The following MKLN1 variants were observed in gnomAD, a reference collection of about 807,000 sequenced individuals.
MKLN1 encodes the protein muskelin.
In MKLN1, 18 loss-of-function variants were observed where a neutral mutation model predicts 99.0. The ratio of observed to expected loss-of-function variants is 0.18; its 90% confidence interval spans 0.13 to 0.27. The LOEUF is 0.27. Among genes scored for constraint, MKLN1 ranks in the 10% least tolerant of loss-of-function variants. The pLI, the probability that MKLN1 is intolerant of heterozygous loss-of-function variation, is 1.00. For missense variants in MKLN1, 621 were observed against 875.9 expected (o/e 0.71, Z 3.67); for synonymous variants, 288 against 293.2 (o/e 0.98, Z 0.18).
intron 7 of MKLN1, among the ~76,000 whole-genome samples, chr7:131,413,153 G>C (rs964467644): frequency 2.8e-4 from 43 of 152,286 alleles, no homozygotes; most frequent in African/African-American, 9.4e-4. Context: ...GGTACTGACT[G>C]ATGAGGGAAG....
chr7:131,380,778 A>T (rs1225039647), intron 2 of MKLN1, among the ~76,000 whole-genome samples: 3 of 152,188 alleles, frequency 2.0e-5, no homozygotes, highest in Non-Finnish European at 4.4e-5. Context: ...TTCTTCCCAT[A>T]ATCATACGGT....
At chr7:131,210,265 T>C (rs759518890) in intron 3 of MKLN1, among the ~76,000 whole-genome samples, 10 of 152,090 alleles carry the variant, frequency 6.6e-5, no homozygotes, top group Non-Finnish European at 1.5e-4. Context: ...GCATGGTGGC[T>C]CATGCCTATA....
At chr7:131,139,297 C>G (rs1363577571) in intron 1 of MKLN1, among the ~76,000 whole-genome samples, 1 of 152,094 alleles carries the variant, frequency 6.6e-6, no homozygotes, top group Non-Finnish European at 1.5e-5. Flanking sequence ...TCTGTGTGGT[C>G]TATTGGCTCT....
chr7:131,196,227 C>T (rs1796642748), intron 2 of MKLN1, among the ~76,000 whole-genome samples: 1 of 152,170 alleles, frequency 6.6e-6, no homozygotes, highest in South Asian at 2.1e-4. Context: ...GATGTTTCCC[C>T]ATATTCCATT....
chr7:131,314,018 C>A (rs777660135), intron 3 of MKLN1, among the ~76,000 whole-genome samples: 1 of 152,142 alleles, frequency 6.6e-6, no homozygotes, highest in East Asian at 1.9e-4. Context: ...GTATTTAAAC[C>A]GTGCCTTTCT....
chr7:131,492,401 AAAT>A lies in MKLN1; in HGVS notation c.*4677_*4679del, dbSNP rs1218195566. 1.3e-5 allele frequency: 2 copies of A among 152,082 alleles called. No individual in the cohort carries two copies. The highest frequency in any genetic ancestry group is 4.8e-5 in the African/African-American group (2 of 41,404). 9.4% of individuals were successfully genotyped at this position (152,082 alleles called of 1,614,324 possible). A position where few individuals can be genotyped will look rare whatever the true frequency, so the allele number is the denominator to read the frequency against. On this transcript the variant is annotated 3_prime_UTR_variant, in exon 18 of 18. Coordinates refer to ENST00000352689, the MANE Select transcript of MKLN1 (RefSeq NM_013255.5). ...TTTTTCTTTTTTTTTCCTTAAATAA[AAAT>A]AATGCAGCCTTATATATGTCTCTTC...
intron 3 of MKLN1, among the ~76,000 whole-genome samples, chr7:131,305,713 C>A (rs1798454420): frequency 6.6e-6 from 1 of 152,204 alleles, no homozygotes; most frequent in African/African-American, 2.4e-5. Flanking sequence ...TTTATTTTGC[C>A]CCACCAGAAT....
intron 3 of MKLN1, among the ~76,000 whole-genome samples, chr7:131,225,848 G>T (rs1227045362): frequency 1.3e-5 from 2 of 152,176 alleles, no homozygotes; most frequent in African/African-American, 4.8e-5. Flanking sequence ...CATGGCTGCT[G>T]GTTTTCTGGA....
rs1233065138 is a variant in MKLN1, at chr7:131,437,833, C to T, written c.1009C>T (p.Arg337Trp). 5 of 1,612,848 alleles carry T rather than the reference C, an allele frequency of 3.1e-6. No individual in the cohort carries two copies. The highest frequency in any genetic ancestry group is 2.2e-5 in the East Asian group (1 of 44,842). ...SCHKMCIDIQ[R>W]RQIYTLGRYL... is the part of the protein sequence containing the mutation. ...TCATAAAATGTGCATTGATATTCAA[C>T]GGAGGCAAATCTACACATTGGGGCG... Residue 337 changes from arginine (R) to tryptophan (W), a missense_variant, in exon 10 of 18, where the codon CGG (arginine) becomes TGG (tryptophan). Arg to Trp is a moderately radical substitution (Grantham distance 101). This residue lies in a region of MKLN1 where 361 missense variants were observed against 540.8 expected (regional missense o/e 0.67). Transcript: ENST00000352689.
chr7:131,466,904 T>TACAC (rs907079191), intron 15 of MKLN1, among the ~76,000 whole-genome samples: 4,487 of 150,754 alleles, frequency 0.03, 251 homozygotes, highest in Admixed American at 0.14. Context: ...TATATACATA[T>TACAC]ACACACACAC....
At chr7:131,423,489 C>CG (rs1795265008) in intron 8 of MKLN1, among the ~76,000 whole-genome samples, 1 of 152,108 alleles carries the variant, frequency 6.6e-6, no homozygotes, top group African/African-American at 2.4e-5. Flanking sequence ...TGTGCCACCA[C>CG]GCCTGGCTAA....
intron 3 of MKLN1, among the ~76,000 whole-genome samples, chr7:131,211,774 T>C (rs1172823012): frequency 6.6e-6 from 1 of 152,192 alleles, no homozygotes; most frequent in Non-Finnish European, 1.5e-5. Context: ...GGGTGATTAC[T>C]CTAGGAGGCT....
chr7:131,248,794 C>T (rs2116510654), intron 3 of MKLN1, among the ~76,000 whole-genome samples: 1 of 152,148 alleles, frequency 6.6e-6, no homozygotes, highest in East Asian at 1.9e-4. Context: ...TTTAATACCA[C>T]ACTATGTACC....
At chr7:131,191,927 C>T (rs1271689107) in intron 2 of MKLN1, among the ~76,000 whole-genome samples, 11 of 149,300 alleles carry the variant, frequency 7.4e-5, no homozygotes, top group African/African-American at 2.5e-4. Flanking sequence ...ACCATGTTGC[C>T]CAGGGTGGTC....
intron 3 of MKLN1, among the ~76,000 whole-genome samples, chr7:131,307,132 C>A (rs903528449): frequency 6.6e-6 from 1 of 152,038 alleles, no homozygotes; most frequent in Admixed American, 6.5e-5. Flanking sequence ...GCTGTTGCTC[C>A]AGAGTGTGCT....
intron 1 of MKLN1, among the ~76,000 whole-genome samples, chr7:131,337,900 G>T (rs1282098292): frequency 6.6e-6 from 1 of 152,016 alleles, no homozygotes; most frequent in African/African-American, 2.4e-5. Flanking sequence ...TATCTATAAT[G>T]ATACATTTCC....
intron 12 of MKLN1, among the ~76,000 whole-genome samples, chr7:131,448,865 T>C (rs979098839): frequency 1.3e-5 from 2 of 152,218 alleles, no homozygotes; most frequent in Admixed American, 6.5e-5. Flanking sequence ...TCTAAGTTTG[T>C]CCCTCTCCCT....
intron 3 of MKLN1, among the ~76,000 whole-genome samples, chr7:131,240,245 A>G (rs1380847994): frequency 6.6e-6 from 1 of 152,148 alleles, no homozygotes; most frequent in African/African-American, 2.4e-5. Context: ...GGGACCTGCC[A>G]CTTCAGAATA....
intron 4 of MKLN1, among the ~76,000 whole-genome samples, chr7:131,393,280 C>T (rs1422889615): frequency 1.3e-5 from 2 of 152,130 alleles, no homozygotes; most frequent in Non-Finnish European, 2.9e-5. Context: ...ACAAAGAACA[C>T]GTGCCTGGAG....
Sources: allele counts gnomAD v4.1 joint callset (sites outside exome capture counted in the v4.1 genomes callset), GRCh38; gene constraint gnomAD v4.1.1; regional missense constraint gnomAD v4.1.1; transcripts MANE v1.5; gene names NCBI Gene and HGNC (gene_info 2026-07-23, HGNC 2026-07-21).